Variants in AP4S1 observed in about 807,000 individuals in gnomAD.
AP4S1 encodes the protein AP-4 complex subunit sigma-1.
In AP4S1, 23 loss-of-function variants were observed where a neutral mutation model predicts 19.8. The observed-to-expected ratio is 1.16, with a 90% confidence interval of 0.84 to 1.65. AP4S1 has a LOEUF of 1.65. Ranked by LOEUF, AP4S1 falls within the 40% of genes most tolerant of loss-of-function variation. The probability of loss-of-function intolerance (pLI) is 0.00; values close to 1 mark genes in which losing one functional copy is unlikely to be tolerated. For missense variants in AP4S1, 166 were observed against 172.8 expected (o/e 0.96, Z 0.22); for synonymous variants, 46 against 54.1 (o/e 0.85, Z 0.66).
intron 5 of AP4S1, among the ~76,000 whole-genome samples, chr14:31,089,333 G>T (rs769815460): frequency 2.6e-5 from 4 of 152,276 alleles, no homozygotes; most frequent in Non-Finnish European, 5.9e-5. Flanking sequence ...GGAAATTAAA[G>T]TATGAATAAT....
intron 4 of AP4S1, among the ~76,000 whole-genome samples, chr14:31,079,478 G>C (rs1887526241): frequency 6.6e-6 from 1 of 152,040 alleles, no homozygotes; most frequent in Non-Finnish European, 1.5e-5. Context: ...CGGAGGGAAG[G>C]CTGTACCTTC....
chr14:31,069,710 G>A (rs1886897684), intron 2 of AP4S1, 133 bp from the exon 3 acceptor site: 1 of 770,424 alleles, frequency 1.3e-6, no homozygotes, highest in South Asian at 1.4e-5. Flanking sequence ...GTCACCAATG[G>A]TTGTGTAACA....
At chr14:31,046,985 A>G (rs772744089) in intron 1 of AP4S1, among the ~76,000 whole-genome samples, 4 of 152,164 alleles carry the variant, frequency 2.6e-5, no homozygotes, top group Non-Finnish European at 5.9e-5. Context: ...TGAACATTCC[A>G]GGGTCTCCAC....
intron 5 of AP4S1, among the ~76,000 whole-genome samples, chr14:31,087,482 G>A (rs1035161403): frequency 3.9e-5 from 6 of 152,048 alleles, no homozygotes; most frequent in Admixed American, 2.0e-4. Context: ...TTAGCCTCCT[G>A]AGTAGCTGGA....
intron 1 of AP4S1, among the ~76,000 whole-genome samples, chr14:31,057,711 C>T (rs775907328): frequency 2.9e-4 from 44 of 151,898 alleles, no homozygotes; most frequent in African/African-American, 9.7e-4. Flanking sequence ...CTGCAACCTC[C>T]GCCTCCTGGG....
Position 31,050,328 on chromosome 14 carries a change from G to A in AP4S1, c.-71-15798G>A, listed in dbSNP as rs540653788. ...GCCCACCTCAGCCTCCCAAAATGCT[G>A]GGATTATAGGCGTGAGCCACCGTGC... On this transcript the variant is annotated intron_variant, in intron 1 of 5. Coordinates refer to ENST00000542754, the MANE Select transcript of AP4S1 (RefSeq NM_001128126.3). 6.9e-4 allele frequency among the ~76,000 whole-genome samples: 105 copies of A among 152,264 alleles called. 1 individual carries two copies. The highest frequency in any genetic ancestry group is 2.4e-3 in the African/African-American group (101 of 41,552).
intron 3 of AP4S1, among the ~76,000 whole-genome samples, chr14:31,070,312 C>T (rs1886933771): frequency 6.6e-6 from 1 of 152,196 alleles, no homozygotes; most frequent in Non-Finnish European, 1.5e-5. Flanking sequence ...ACAGTCATAG[C>T]TCACTGCAGC....
chr14:31,089,054 G>A (rs921668147), intron 5 of AP4S1, among the ~76,000 whole-genome samples: 5 of 151,678 alleles, frequency 3.3e-5, no homozygotes, highest in Non-Finnish European at 5.9e-5. Flanking sequence ...CAGTTAATTG[G>A]GAGGCTGAGG....
intron 4 of AP4S1, among the ~76,000 whole-genome samples, chr14:31,073,422 G>C (rs1176614048): frequency 7.3e-6 from 1 of 137,534 alleles, no homozygotes; most frequent in African/African-American, 2.6e-5. Context: ...CCCGGGAGGC[G>C]GAGCTTGCAG....
intron 5 of AP4S1, among the ~76,000 whole-genome samples, chr14:31,092,312 G>A (rs1888097707): frequency 6.6e-6 from 1 of 152,208 alleles, no homozygotes; most frequent in South Asian, 2.1e-4. Flanking sequence ...GGGGGCTGAG[G>A]AGGGAGGTGT....
At chr14:31,088,813 A>G (rs1887993496) in intron 5 of AP4S1, among the ~76,000 whole-genome samples, 1 of 149,450 alleles carries the variant, frequency 6.7e-6, no homozygotes, top group South Asian at 2.1e-4. Flanking sequence ...ATCTCAAAAA[A>G]AAAAAAAAAA....
At chr14:31,040,552 G>A (rs780900301) in intron 1 of AP4S1, among the ~76,000 whole-genome samples, 2 of 152,110 alleles carry the variant, frequency 1.3e-5, no homozygotes, top group Non-Finnish European at 2.9e-5. Context: ...ATGCAGTGCT[G>A]TTAGGTGATC....
At chr14:31,088,292 G>C (rs1490402149) in intron 5 of AP4S1, among the ~76,000 whole-genome samples, 1 of 152,012 alleles carries the variant, frequency 6.6e-6, no homozygotes, top group Non-Finnish European at 1.5e-5. Flanking sequence ...TATTCCTTTT[G>C]TTCCATTTTT....
chr14:31,030,591 C>A (rs1488718925), intron 1 of AP4S1, among the ~76,000 whole-genome samples: 1 of 152,134 alleles, frequency 6.6e-6, no homozygotes, highest in African/African-American at 2.4e-5. Flanking sequence ...TCAAGCAGTC[C>A]TCCTTCCTTG....
intron 1 of AP4S1, among the ~76,000 whole-genome samples, chr14:31,027,606 G>T (rs936690961): frequency 6.6e-6 from 1 of 152,202 alleles, no homozygotes; most frequent in Non-Finnish European, 1.5e-5. Context: ...AGGTTGCAGA[G>T]AGCCGAGATC....
In AP4S1 at chr14:31,066,228, A is replaced by C. The variant is rs750440689; in HGVS notation, c.32A>C (p.Gln11Pro). Reference protein sequence around the residue: MIKFFLMVNKQGQTRLSKYYE... With the variant: MIKFFLMVNKPGQTRLSKYYE... The stretch of plus-strand genomic sequence containing the variant: ...AAATTTTTCCTCATGGTGAATAAAC[A>C]AGGGCAGACTCGACTTTCTAAGTAC... The change falls in exon 2 of 6, where the codon CAA becomes CCA. Residue 11 changes from glutamine (Q) to proline (P), a missense_variant. Physicochemically the swap from Gln to Pro is moderately conservative, Grantham distance 76. Coordinates refer to ENST00000542754, the MANE Select transcript of AP4S1 (RefSeq NM_001128126.3). The C allele has an allele frequency of 6.2e-7, 1 of 1,614,072 alleles. No homozygotes were observed. The highest frequency in any genetic ancestry group is 1.1e-5 in the South Asian group (1 of 91,078).
chr14:31,072,251 T>C (rs1475669868), intron 3 of AP4S1, among the ~76,000 whole-genome samples: 5 of 152,138 alleles, frequency 3.3e-5, no homozygotes, highest in African/African-American at 9.6e-5. Context: ...TATTTTTTTA[T>C]TTTTTGTAGA....
intron 1 of AP4S1, among the ~76,000 whole-genome samples, chr14:31,031,314 G>A (rs1197365357): frequency 6.6e-6 from 1 of 152,088 alleles, no homozygotes; most frequent in Non-Finnish European, 1.5e-5. Context: ...ATCCTTCTTA[G>A]ACCATAAAGT....
chr14:31,037,929 G>T (rs1884875728), intron 1 of AP4S1, among the ~76,000 whole-genome samples: 1 of 152,236 alleles, frequency 6.6e-6, no homozygotes, highest in African/African-American at 2.4e-5. Flanking sequence ...TCTGGCCTGG[G>T]TGACAGAGGG....
Sources: gnomAD v4.1 joint callset for allele counts (sites outside exome capture counted in the v4.1 genomes callset) on GRCh38, gnomAD v4.1.1 for gene constraint, MANE v1.5 for transcripts, NCBI Gene and HGNC (gene_info 2026-07-23, HGNC 2026-07-21) for gene names.